RNF220: variants seen among roughly 807,000 people sequenced by gnomAD.
RNF220 encodes the protein ring finger protein 220.
A neutral mutation model predicts 67.1 loss-of-function variants in RNF220; 7 were observed. The observed-to-expected ratio is 0.10, with a 90% CI of 0.06 to 0.20. The LOEUF is 0.20. Among genes scored for constraint, RNF220 ranks in the 10% least tolerant of loss-of-function variants. The pLI is 1.00. For synonymous variants in RNF220, 270 were observed against 283.2 expected (o/e 0.95, Z 0.47); for missense variants, 565 against 740.3 (o/e 0.76, Z 2.75).
intron 2 of RNF220, among the ~76,000 whole-genome samples, chr1:44,530,673 A>G (rs557438419): frequency 6.6e-6 from 1 of 152,326 alleles, no homozygotes; most frequent in African/African-American, 2.4e-5. Flanking sequence ...AATTTAAAAT[A>G]GTGAAAGAAC....
intron 2 of RNF220, among the ~76,000 whole-genome samples, chr1:44,581,157 C>T (rs1339076870): frequency 6.6e-6 from 1 of 152,236 alleles, no homozygotes; most frequent in Non-Finnish European, 1.5e-5. Context: ...GGATTTTCCT[C>T]TCATCATACG....
chr1:44,421,144 G>C (rs940555786), intron 2 of RNF220, among the ~76,000 whole-genome samples: 3 of 152,156 alleles, frequency 2.0e-5, no homozygotes, highest in African/African-American at 7.2e-5. Flanking sequence ...TTAGAAGCAA[G>C]GTAATAGTCG....
rs546573520 is a variant in RNF220 at position 44,575,208 on chromosome 1, A to G, written c.626-38957A>G. On this transcript the variant is annotated intron_variant, in intron 2 of 14. Coordinates refer to ENST00000361799, the MANE Select transcript of RNF220 (RefSeq NM_018150.4). ...CCCTGCCCAGCCTCTGGTAACTATC[A>G]CTCTGTTCTCTACCTCCATGAGATC... 5.5e-4 allele frequency among the ~76,000 whole-genome samples: 84 copies of G among 151,990 alleles called. No individual in the cohort carries two copies. The South Asian group carries it at 0.017, about 31-fold the overall frequency.
intron 2 of RNF220, among the ~76,000 whole-genome samples, chr1:44,450,000 T>G (rs181190368): frequency 8.5e-5 from 13 of 152,206 alleles, no homozygotes; most frequent in African/African-American, 2.9e-4. Flanking sequence ...TCATCTGAGG[T>G]TGGGAGTTCG....
At chr1:44,406,000 C>T (rs981265262) in intron 1 of RNF220, among the ~76,000 whole-genome samples, 4 of 152,222 alleles carry the variant, frequency 2.6e-5, no homozygotes, top group African/African-American at 9.6e-5. Flanking sequence ...TTCCGGGCTC[C>T]CCTATGTACC....
At chr1:44,633,208 C>T (rs1298425605) in intron 6 of RNF220, among the ~76,000 whole-genome samples, 2 of 152,104 alleles carry the variant, frequency 1.3e-5, no homozygotes, top group Non-Finnish European at 2.9e-5. Context: ...GATGGGCTGG[C>T]GCCATGTTAA....
At chr1:44,630,742 C>T (rs987557222) in intron 5 of RNF220, among the ~76,000 whole-genome samples, 2 of 152,236 alleles carry the variant, frequency 1.3e-5, no homozygotes, top group South Asian at 2.1e-4. Flanking sequence ...CATGGAGGCT[C>T]TCTGGCCTGG....
chr1:44,472,651 A>C (rs1654916478), intron 2 of RNF220, among the ~76,000 whole-genome samples: 1 of 152,260 alleles, frequency 6.6e-6, no homozygotes, highest in African/African-American at 2.4e-5. Flanking sequence ...TGTGCCACAC[A>C]AGGCCCTTCA....
chr1:44,636,207 C>T, intron 8 of RNF220, 45 bp downstream of exon 8: 1 of 1,570,414 alleles, frequency 6.4e-7, no homozygotes, highest in Non-Finnish European at 8.7e-7. Context: ...GGTGCCAGGC[C>T]TCTGCTGGGT....
At chr1:44,419,926 C>G (rs1457054929) in intron 2 of RNF220, 4 of 152,152 alleles carry the variant, frequency 2.6e-5, no homozygotes, top group African/African-American at 9.7e-5. Context: ...GGAGCCTATC[C>G]CCTTTCCAAA....
chr1:44,562,551 C>T (rs1171078496), intron 2 of RNF220, among the ~76,000 whole-genome samples: 1 of 152,196 alleles, frequency 6.6e-6, no homozygotes, highest in Admixed American at 6.5e-5. Flanking sequence ...GATATAGGAG[C>T]ACCTTCAGTC....
chr1:44,612,958 C>T (rs907547438), intron 2 of RNF220, among the ~76,000 whole-genome samples: 44 of 152,146 alleles, frequency 2.9e-4, no homozygotes, highest in African/African-American at 1.1e-3. Context: ...GTCCTTTGTG[C>T]AGTCAGAGCA....
chr1:44,588,056 G>A (rs1050175398), intron 2 of RNF220, among the ~76,000 whole-genome samples: 1 of 152,212 alleles, frequency 6.6e-6, no homozygotes, highest in African/African-American at 2.4e-5. Context: ...ACCCGCTAGA[G>A]TGAACACCTT....
chr1:44,504,206 T>G (rs1242329054), intron 2 of RNF220, among the ~76,000 whole-genome samples: 1 of 152,210 alleles, frequency 6.6e-6, no homozygotes, highest in Non-Finnish European at 1.5e-5. Context: ...GTTCTAGGTA[T>G]GCTGATCAAT....
At chr1:44,540,912 G>T (rs558637344) in intron 2 of RNF220, among the ~76,000 whole-genome samples, 94 of 152,084 alleles carry the variant, frequency 6.2e-4, no homozygotes, top group African/African-American at 2.3e-3. Flanking sequence ...TGATTTCCTC[G>T]TTTTTTGGGG....
intron 2 of RNF220, among the ~76,000 whole-genome samples, chr1:44,422,118 A>G (rs1003450105): frequency 1.3e-5 from 2 of 152,160 alleles, no homozygotes; most frequent in Non-Finnish European, 2.9e-5. Flanking sequence ...ACTAGGTAGG[A>G]AGGGAAATGC....
intron 2 of RNF220, among the ~76,000 whole-genome samples, chr1:44,511,672 G>A (rs1317183899): frequency 6.6e-6 from 1 of 152,230 alleles, no homozygotes; most frequent in Non-Finnish European, 1.5e-5. Context: ...ATTAAGGCTA[G>A]TGTTCTGGGA....
intron 2 of RNF220, among the ~76,000 whole-genome samples, chr1:44,541,273 T>G (rs1187188285): frequency 6.6e-6 from 1 of 151,936 alleles, no homozygotes; most frequent in Non-Finnish European, 1.5e-5. Context: ...ACTAAAAATA[T>G]GAAAATTAGC....
chr1:44,493,462 C>T (rs893878801), intron 2 of RNF220, among the ~76,000 whole-genome samples: 11 of 151,862 alleles, frequency 7.2e-5, no homozygotes, highest in South Asian at 2.1e-4. Context: ...TGCGGTGAGC[C>T]AAGATCGTGC....
Sources: allele counts gnomAD v4.1 joint callset (sites outside exome capture counted in the v4.1 genomes callset), GRCh38; gene constraint gnomAD v4.1.1; transcripts MANE v1.5; gene names NCBI Gene and HGNC (gene_info 2026-07-23, HGNC 2026-07-21).